EXOSC5: variants seen among roughly 807,000 people sequenced by gnomAD.
EXOSC5 encodes the protein exosome complex component RRP46.
A neutral mutation model predicts 23.7 loss-of-function variants in EXOSC5; 15 were observed. The ratio of observed to expected loss-of-function variants is 0.63; its 90% confidence interval spans 0.42 to 0.97. The LOEUF (loss-of-function observed/expected upper bound fraction) is 0.97, where lower values mean the gene tolerates loss of function less well. Ranked by LOEUF, EXOSC5 falls within the 50% of genes least tolerant of loss-of-function variation. The pLI is 0.00. For missense variants in EXOSC5, 305 were observed against 316.3 expected (o/e 0.96, Z 0.27); for synonymous variants, 143 against 140.9 (o/e 1.02, Z -0.11).
At chr19:41,390,303 T>G (rs1490379507) in intron 3 of EXOSC5, among the ~76,000 whole-genome samples, 2 of 152,194 alleles carry the variant, frequency 1.3e-5, no homozygotes, top group Admixed American at 1.3e-4. Flanking sequence ...CTGATGCCTA[T>G]GGCAGACATC....
intron 2 of EXOSC5, 120 bp downstream of exon 2, chr19:41,392,747 G>A (rs2039032710): frequency 2.7e-6 from 2 of 734,374 alleles, no homozygotes; most frequent in Non-Finnish European, 4.7e-6. Context: ...GTTAAAGACA[G>A]AAACAGCTGA....
chr19:41,387,576 G>A lies in EXOSC5; in HGVS notation c.553C>T (p.Leu185=), dbSNP rs1339372567. 6.2e-7 allele frequency: 1 copy of A among 1,605,906 alleles called. No individual in the cohort carries two copies. Among genetic ancestry groups the A allele is most frequent in the Non-Finnish European group, 8.5e-7 (1 of 1,176,776 alleles). Residue 185 remains leucine, a synonymous_variant, in exon 5 of 6, where the codon CTG becomes TTG. Coordinates refer to ENST00000221233, the MANE Select transcript of EXOSC5 (RefSeq NM_020158.4). ...AGCAGCTTCCGTTCCACGCTGTCCAGGGCAAAGGTCAGGACTGCCCGGGCC... is the reference window on the plus strand; with the variant it reads ...AGCAGCTTCCGTTCCACGCTGTCCAAGGCAAAGGTCAGGACTGCCCGGGCC... ...KEARAVLTFA[L]DSVERKLLMS...
intron 1 of EXOSC5, among the ~76,000 whole-genome samples, chr19:41,395,933 T>C (rs1044019453): frequency 2.6e-5 from 4 of 152,190 alleles, no homozygotes; most frequent in Admixed American, 6.5e-5. Context: ...CCTGAATCTT[T>C]TTCCTCGCAC....
At chr19:41,393,835 G>A (rs1235783595) in intron 1 of EXOSC5, among the ~76,000 whole-genome samples, 1 of 152,132 alleles carries the variant, frequency 6.6e-6, no homozygotes, top group Non-Finnish European at 1.5e-5. Flanking sequence ...TTACAGGCGT[G>A]AGCCACTGTG....
chr19:41,393,080 C>T (rs200829015), intron 1 of EXOSC5, 100 bp from the exon 2 acceptor site: 20 of 865,586 alleles, frequency 2.3e-5, no homozygotes, highest in Middle Eastern at 3.5e-4. Flanking sequence ...ACGTCACCCC[C>T]GCCATTTGTT....
At chr19:41,392,472 G>T (rs533009841) in intron 2 of EXOSC5, among the ~76,000 whole-genome samples, 1 of 151,892 alleles carries the variant, frequency 6.6e-6, no homozygotes, top group South Asian at 2.1e-4. Flanking sequence ...TAATCCCAGC[G>T]ACTCGGGAGG....
intron 3 of EXOSC5, chr19:41,391,588 T>G (rs1314074727): frequency 1.6e-5 from 7 of 427,608 alleles, no homozygotes; most frequent in Non-Finnish European, 2.8e-5. Flanking sequence ...GGTCTGGGTC[T>G]AAGTCTTGGC....
At chr19:41,396,976 T>C (rs565043766) in intron 1 of EXOSC5, among the ~76,000 whole-genome samples, 1 of 152,240 alleles carries the variant, frequency 6.6e-6, no homozygotes, top group East Asian at 1.9e-4. Flanking sequence ...CAGAGATAGT[T>C]ACAAAGATGG....
chr19:41,395,118 A>T (rs2039052587), intron 1 of EXOSC5, among the ~76,000 whole-genome samples: 1 of 151,692 alleles, frequency 6.6e-6, no homozygotes, highest in South Asian at 2.1e-4. Flanking sequence ...GAGCAACTGC[A>T]CCCGGCCTCT....
chr19:41,392,007 C>T (rs780492165), intron 2 of EXOSC5, 45 bp from the exon 3 acceptor site: 11 of 1,560,018 alleles, frequency 7.1e-6, no homozygotes, highest in Non-Finnish European at 2.6e-6. Flanking sequence ...CTTCATTTGA[C>T]TCACCTTCCT....
intron 2 of EXOSC5, 111 bp from the exon 3 acceptor site, chr19:41,392,073 G>C: frequency 1.4e-6 from 2 of 1,430,254 alleles, no homozygotes; most frequent in Non-Finnish European, 1.9e-6. Context: ...CTGGGATGGT[G>C]CAGTTACCTG....
chr19:41,388,069 G>A (rs2038997682), intron 4 of EXOSC5, among the ~76,000 whole-genome samples: 1 of 152,164 alleles, frequency 6.6e-6, no homozygotes, highest in Admixed American at 6.5e-5. Context: ...CAAGCATCAA[G>A]CGCAGCCATT....
At position 41,392,815 on chromosome 19, in the gene EXOSC5, G is replaced by A. The variant is rs2039033600; in HGVS notation, c.262+52C>T. The A allele has an allele frequency of 2.6e-6, 4 of 1,547,956 alleles. No homozygotes were observed. The Admixed American group carries it at 5.0e-5, about 20-fold the overall frequency. Reference sequence around the variant, plus strand: ...GCAGCTGGTAGGGAGGAGCTGGGGGGGTGATTTTGACAAACTGGGCACCAC... The same window carrying A: ...GCAGCTGGTAGGGAGGAGCTGGGGGAGTGATTTTGACAAACTGGGCACCAC... On this transcript the variant is annotated intron_variant, in intron 2 of 5. Coordinates refer to ENST00000221233, the MANE Select transcript of EXOSC5 (RefSeq NM_020158.4).
chr19:41,395,645 G>A (rs1310312096), intron 1 of EXOSC5, among the ~76,000 whole-genome samples: 2 of 152,056 alleles, frequency 1.3e-5, no homozygotes, highest in African/African-American at 4.8e-5. Context: ...TCTTTTCTTG[G>A]CCCCAGGTCA....
At chr19:41,390,657 C>T (rs2039017119) in intron 3 of EXOSC5, among the ~76,000 whole-genome samples, 1 of 152,210 alleles carries the variant, frequency 6.6e-6, no homozygotes, top group Non-Finnish European at 1.5e-5. Context: ...AGCCACCTCG[C>T]TGCTGCCTGC....
Position 41,391,831 on chromosome 19 carries a change from G to GA in EXOSC5, c.384+9dup. On this transcript the variant is annotated intron_variant, in intron 3 of 5. Coordinates refer to ENST00000221233, the MANE Select transcript of EXOSC5 (RefSeq NM_020158.4). ...ACTTCCTGGAGGAGGAGGCCTGGCA[G>GA]AAAGGATACAGAGCCGGCATCGCTG... 2 of 1,498,916 alleles carry GA rather than the reference G, an allele frequency of 1.3e-6. No individual in the cohort carries two copies. The highest frequency in any genetic ancestry group is 1.8e-6 in the Non-Finnish European group (2 of 1,130,610). 92.9% of individuals were successfully genotyped at this position (1,498,916 alleles called of 1,614,324 possible). A position where few individuals can be genotyped will look rare whatever the true frequency, so the allele number is the denominator to read the frequency against.
intron 5 of EXOSC5, 117 bp downstream of exon 5, chr19:41,387,397 A>G: frequency 2.4e-6 from 2 of 830,038 alleles, no homozygotes; most frequent in East Asian, 3.1e-5. Context: ...CCTTTTTACA[A>G]GAAGAAATTT....
At chr19:41,394,985 G>A (rs909448903) in intron 1 of EXOSC5, among the ~76,000 whole-genome samples, 4 of 146,508 alleles carry the variant, frequency 2.7e-5, no homozygotes, top group African/African-American at 1.0e-4. Flanking sequence ...AGTGAGCCAC[G>A]ATCACTTCAC....
chr19:41,396,617 CTTTTTTTT>C (rs60285872), intron 1 of EXOSC5, among the ~76,000 whole-genome samples: 2 of 130,188 alleles, frequency 1.5e-5, no homozygotes. Flanking sequence ...TTGCCCTAAT[CTTTTTTTT>C]TTTTTTTTTT....
Sources: allele counts gnomAD v4.1 joint callset (sites outside exome capture counted in the v4.1 genomes callset), GRCh38; gene constraint gnomAD v4.1.1; transcripts MANE v1.5; gene names NCBI Gene and HGNC (gene_info 2026-07-23, HGNC 2026-07-21).